Variants in PTPRD observed in about 807,000 individuals in gnomAD.
The protein encoded by PTPRD is protein tyrosine phosphatase receptor type D, also known as receptor-type tyrosine-protein phosphatase delta.
PTPRD carries 34 observed loss-of-function variants against 214.5 expected under a neutral mutation model. That is an observed-to-expected ratio of 0.16 (90% CI 0.12 to 0.21). The LOEUF (loss-of-function observed/expected upper bound fraction) is 0.21. Ranked by LOEUF, PTPRD falls within the 10% of genes least tolerant of loss-of-function variation. PTPRD has a pLI of 1.00. For synonymous variants in PTPRD, 1,128 were observed against 845.7 expected, an observed-to-expected ratio of 1.33 and a Z score of -5.79; for missense variants, 2,545 against 2,398.7, an observed-to-expected ratio of 1.06 and a Z score of -1.27.
intron 33 of PTPRD, among the ~76,000 whole-genome samples, chr9:8,456,131 A>G (rs2096191185): frequency 6.6e-6 from 1 of 152,152 alleles, no homozygotes; most frequent in East Asian, 1.9e-4. Context: ...ATTATTCAAT[A>G]TTTTTGTGTG....
At chr9:8,824,842 C>G (rs930175212) in intron 11 of PTPRD, among the ~76,000 whole-genome samples, 9 of 152,062 alleles carry the variant, frequency 5.9e-5, no homozygotes, top group Non-Finnish European at 1.0e-4. Context: ...ACTAATGAGA[C>G]TAGAATTTAA....
At position 9,599,166 on chromosome 9, in the gene PTPRD, G is replaced by A. The variant is rs191890544; in HGVS notation, c.-286-24385C>T. ...CTACATTTCTAGAATCCAATAAAAG[G>A]TGACATTATATGAGTGCTTTACATG... On this transcript the variant is annotated intron_variant, in intron 7 of 45. Coordinates refer to ENST00000381196, the MANE Select transcript of PTPRD (RefSeq NM_002839.4). Among the ~76,000 whole-genome samples the A allele has an allele frequency of 2.8e-4, 42 of 152,022 alleles. No homozygotes were observed. In the East Asian group the frequency reaches 5.8e-3, roughly 21 times the overall value.
chr9:9,514,217 G>GT (rs1403531215), intron 8 of PTPRD, among the ~76,000 whole-genome samples: 2 of 151,994 alleles, frequency 1.3e-5, no homozygotes, highest in African/African-American at 4.8e-5. Context: ...TTCCCTCCTG[G>GT]TTAGGGCTCT....
chr9:8,314,533 G>C lies in PTPRD; in HGVS notation c.*3341C>G, dbSNP rs181319938. ...ATCTTTGTAAAGACACTCCAAGCTG[G>C]GATGGCAAAGCCACATAACGGATGG... On this transcript the variant is annotated 3_prime_UTR_variant, in exon 46 of 46. Coordinates refer to ENST00000381196, the MANE Select transcript of PTPRD (RefSeq NM_002839.4). The C allele has an allele frequency of 1.7e-5, 4 of 232,086 alleles. No homozygotes were observed. The East Asian group carries it at 1.8e-4, about 11-fold the overall frequency. The allele number at this position is 232,086 out of a possible 1,614,324, so 14.4% of individuals were successfully genotyped here.
Position 9,423,162 on chromosome 9 carries a change from T to C in PTPRD, c.-236-25680A>G, listed in dbSNP as rs1040386383. ...AATCTTCTCTGTAGCTTCTACAGTT[T>C]TTCACACAATGTCCAGTATATGAAA... On this transcript the variant is annotated intron_variant, in intron 8 of 45. Transcript: ENST00000381196. Among the ~76,000 whole-genome samples, 6 of 152,174 alleles carry C rather than the reference T, an allele frequency of 3.9e-5. 1 individual carries two copies. Among genetic ancestry groups the C allele is most frequent in the Admixed American group, 6.6e-5 (1 of 15,260 alleles).
intron 10 of PTPRD, among the ~76,000 whole-genome samples, chr9:9,182,252 T>A (rs12379071): frequency 0.16 from 24,444 of 152,022 alleles, 2,484 homozygotes; most frequent in Admixed American, 0.26. Context: ...TTGTGTACCT[T>A]CTCCATATGC....
chr9:8,977,831 T>C (rs2099277122), intron 11 of PTPRD, among the ~76,000 whole-genome samples: 1 of 152,020 alleles, frequency 6.6e-6, no homozygotes. Context: ...TATTTAGGGC[T>C]GGGAAAGACT....
intron 6 of PTPRD, among the ~76,000 whole-genome samples, chr9:9,752,960 T>C (rs988129636): frequency 2.6e-5 from 4 of 152,026 alleles, no homozygotes; most frequent in Admixed American, 1.3e-4. Context: ...ATTTTGCAAA[T>C]ACAGAGTGTA....
intron 14 of PTPRD, among the ~76,000 whole-genome samples, chr9:8,604,549 C>A (rs563447701): frequency 6.6e-6 from 1 of 152,246 alleles, no homozygotes; most frequent in South Asian, 2.1e-4. Flanking sequence ...AGGGTTTTCT[C>A]CTATAGCCAC....
intron 32 of PTPRD, among the ~76,000 whole-genome samples, chr9:8,465,002 A>G (rs1056203597): frequency 6.6e-6 from 1 of 151,860 alleles, no homozygotes; most frequent in Non-Finnish European, 1.5e-5. Context: ...AATCACCCCC[A>G]AAGTCAGTAT....
At chr9:9,675,482 G>A (rs2096911471) in intron 7 of PTPRD, among the ~76,000 whole-genome samples, 1 of 149,680 alleles carries the variant, frequency 6.7e-6, no homozygotes, top group Non-Finnish European at 1.5e-5. Flanking sequence ...ATAAATACAA[G>A]AAATTATAAA....
At chr9:10,156,012 A>C (rs939516325) in intron 3 of PTPRD, among the ~76,000 whole-genome samples, 1 of 150,796 alleles carries the variant, frequency 6.6e-6, no homozygotes, top group Non-Finnish European at 1.5e-5. Flanking sequence ...GAATAGTTTC[A>C]GTAGGAAACT....
chr9:8,705,344 C>G (rs371309673), intron 12 of PTPRD, among the ~76,000 whole-genome samples: 15 of 152,244 alleles, frequency 9.9e-5, no homozygotes, highest in African/African-American at 3.4e-4. Context: ...CTCAGCCTCC[C>G]GAGTAGCTGG....
chr9:9,014,264 A>G (rs1354077744), intron 11 of PTPRD, among the ~76,000 whole-genome samples: 1 of 151,082 alleles, frequency 6.6e-6, no homozygotes, highest in Non-Finnish European at 1.5e-5. Context: ...CTTTGAATAA[A>G]ACTTCTCCAC....
At chr9:9,895,074 C>T (rs921914885) in intron 5 of PTPRD, among the ~76,000 whole-genome samples, 4 of 151,856 alleles carry the variant, frequency 2.6e-5, no homozygotes, top group African/African-American at 9.7e-5. Context: ...AAATTTCTTC[C>T]AGATGAGGGA....
intron 11 of PTPRD, among the ~76,000 whole-genome samples, chr9:9,009,985 A>C (rs981300456): frequency 1.3e-5 from 2 of 152,096 alleles, no homozygotes; most frequent in Non-Finnish European, 2.9e-5. Flanking sequence ...TTCCCTTTAA[A>C]GGGACTTGGA....
intron 7 of PTPRD, among the ~76,000 whole-genome samples, chr9:9,608,744 A>C (rs2094340283): frequency 6.6e-6 from 1 of 152,218 alleles, no homozygotes; most frequent in Admixed American, 6.5e-5. Context: ...AGCTAAAGGC[A>C]CTTAACTTGC....
chr9:10,134,620 G>C (rs1274686302), intron 3 of PTPRD, among the ~76,000 whole-genome samples: 1 of 151,866 alleles, frequency 6.6e-6, no homozygotes, highest in Non-Finnish European at 1.5e-5. Flanking sequence ...CAGATACTTT[G>C]CCCTCTGAAA....
intron 10 of PTPRD, among the ~76,000 whole-genome samples, chr9:9,054,206 A>G (rs577511746): frequency 2.5e-4 from 38 of 152,306 alleles, no homozygotes; most frequent in African/African-American, 9.1e-4. Context: ...AATTTTACAT[A>G]GTGCAAAATT....
Sources: gnomAD v4.1 joint callset for allele counts (sites outside exome capture counted in the v4.1 genomes callset) on GRCh38, gnomAD v4.1.1 for gene constraint, MANE v1.5 for transcripts, NCBI Gene and HGNC (gene_info 2026-07-23, HGNC 2026-07-21) for gene names.